Variants in KIAA0586 observed in about 807,000 individuals in gnomAD.
KIAA0586 encodes KIAA0586.
Under a neutral mutation model 169.8 loss-of-function variants are expected in KIAA0586, and 144 were observed. The observed-to-expected ratio is 0.85, with a 90% confidence interval of 0.74 to 0.97. The LOEUF is 0.97. KIAA0586 is among the 50% of genes least tolerant of loss of function. The pLI, the probability that KIAA0586 is intolerant of heterozygous loss-of-function variation, is 0.00. For synonymous variants in KIAA0586, 625 were observed against 612.4 expected (o/e 1.02, Z -0.30); for missense variants, 1,854 against 1,823.0 (o/e 1.02, Z -0.31).
chr14:58,494,942 A>G (rs1163370966), intron 26 of KIAA0586, among the ~76,000 whole-genome samples: 1 of 151,988 alleles, frequency 6.6e-6, no homozygotes, highest in African/African-American at 2.4e-5. Flanking sequence ...AGAAACAATG[A>G]CTTTTCTCCA....
chr14:58,517,961 G>T (rs2044885829), intron 29 of KIAA0586, among the ~76,000 whole-genome samples: 1 of 152,148 alleles, frequency 6.6e-6, no homozygotes. Context: ...ACAGGTCAGT[G>T]GTTGCCTTGA....
chr14:58,444,915 GAAAAAAAAAAA>G (rs869127762), intron 6 of KIAA0586, among the ~76,000 whole-genome samples: 168 of 111,952 alleles, frequency 1.5e-3, no homozygotes, highest in African/African-American at 5.6e-3. Flanking sequence ...CATCTCTTAG[GAAAAAAAAAAA>G]AAAAAAAAAA....
At chr14:58,511,470 A>C (rs2044378787) in intron 28 of KIAA0586, among the ~76,000 whole-genome samples, 2 of 152,154 alleles carry the variant, frequency 1.3e-5, no homozygotes, top group African/African-American at 4.8e-5. Context: ...AAAATGCCTT[A>C]CCCAGATTTG....
downstream of KIAA0586, among the ~76,000 whole-genome samples, chr14:58,553,536 GT>G (rs111508643): frequency 8.8e-4 from 127 of 144,374 alleles, no homozygotes; most frequent in Middle Eastern, 3.5e-3. Context: ...AAATATCTGG[GT>G]TTTTTTTTTT....
At chr14:58,508,475 G>A in intron 27 of KIAA0586, 80 bp from the exon 28 acceptor site, 1 of 1,118,032 alleles carries the variant, frequency 8.9e-7, no homozygotes, top group Non-Finnish European at 1.3e-6. Flanking sequence ...AATATTGGTG[G>A]TTTTAGTCAA....
intron 29 of KIAA0586, among the ~76,000 whole-genome samples, chr14:58,526,329 G>A (rs573735456): frequency 3.9e-5 from 6 of 152,260 alleles, no homozygotes; most frequent in Admixed American, 1.3e-4. Flanking sequence ...TATCTGGTGG[G>A]TGCCCCTCTG....
At chr14:58,505,740 A>T (rs2043893196) in intron 27 of KIAA0586, among the ~76,000 whole-genome samples, 1 of 152,096 alleles carries the variant, frequency 6.6e-6, no homozygotes, top group South Asian at 2.1e-4. Context: ...GTGCTCCTAT[A>T]AAGTTCTTTT....
chr14:58,538,332 T>A (rs1159519718), intron 29 of KIAA0586, among the ~76,000 whole-genome samples: 1 of 152,230 alleles, frequency 6.6e-6, no homozygotes, highest in Non-Finnish European at 1.5e-5. Flanking sequence ...AGTGAGAATG[T>A]ATTGCCCAGC....
chr14:58,556,793 T>C, the KIAA0586 span, among the ~76,000 whole-genome samples: 1 of 152,224 alleles, frequency 6.6e-6, no homozygotes, highest in Non-Finnish European at 1.5e-5. Context: ...TTGTCCAGGC[T>C]GGAGTGCAAT....
chr14:58,527,645 C>G (rs891850040), intron 29 of KIAA0586, among the ~76,000 whole-genome samples: 1 of 152,154 alleles, frequency 6.6e-6, no homozygotes. Context: ...CCTTTAGGGA[C>G]AAGCCAATGC....
chr14:58,492,157 C>T lies in KIAA0586; in HGVS notation c.3872C>T (p.Pro1291Leu). The T allele has an allele frequency of 6.5e-7, 1 of 1,536,414 alleles. No individual in the cohort carries two copies. The highest frequency in any genetic ancestry group is 8.8e-7 in the Non-Finnish European group (1 of 1,140,750). ...HDAVEMEDDPPSEGQVIRMSH... is the reference protein window; with the variant it reads ...HDAVEMEDDPLSEGQVIRMSH... Reference sequence around the variant, plus strand: ...TGTTTCTTTTAGGAGGATGATCCTCCTAGTGAAGGGCAAGTGATTAGGATG... The same window carrying T: ...TGTTTCTTTTAGGAGGATGATCCTCTTAGTGAAGGGCAAGTGATTAGGATG... The change falls in exon 26 of 31, where the codon CCT (proline) becomes CTT (leucine). Residue 1291 changes from proline to leucine, a missense_variant. By Grantham distance (98) the Pro-to-Leu change is moderately conservative (BLOSUM62 -3). Transcript: ENST00000652326.
intron 29 of KIAA0586, chr14:58,521,977 G>A (rs559024079): frequency 1.2e-4 from 167 of 1,339,012 alleles, no homozygotes; most frequent in African/African-American, 8.1e-4. Context: ...CACCAATGGC[G>A]AAGATAACTC....
intron 18 of KIAA0586, among the ~76,000 whole-genome samples, chr14:58,473,006 A>G (rs1008277842): frequency 6.8e-6 from 1 of 147,486 alleles, no homozygotes; most frequent in Admixed American, 7.0e-5. Context: ...ATTTATTTTT[A>G]TATTCCTAAT....
intron 20 of KIAA0586, among the ~76,000 whole-genome samples, chr14:58,480,225 C>T (rs1034892852): frequency 4.0e-5 from 6 of 151,638 alleles, no homozygotes; most frequent in Non-Finnish European, 8.8e-5. Context: ...AAATGTTTCC[C>T]TTTTTCAAAT....
intron 29 of KIAA0586, among the ~76,000 whole-genome samples, chr14:58,530,961 C>T (rs865959372): frequency 6.6e-6 from 1 of 152,044 alleles, no homozygotes; most frequent in African/African-American, 2.4e-5. Context: ...GGGCTAATAT[C>T]TAGAATCTGT....
intron 25 of KIAA0586, among the ~76,000 whole-genome samples, 185 bp downstream of exon 25, chr14:58,490,425 A>G (rs925974706): frequency 2.6e-5 from 4 of 152,186 alleles, no homozygotes; most frequent in Non-Finnish European, 4.4e-5. Context: ...TGAGAATGAA[A>G]AAAAGTTATT....
chr14:58,485,312 G>C (rs776484146), intron 21 of KIAA0586, among the ~76,000 whole-genome samples: 6 of 151,858 alleles, frequency 4.0e-5, no homozygotes, highest in Non-Finnish European at 5.9e-5. Context: ...AAAAGATGAA[G>C]ATGATCAACC....
At chr14:58,446,812 C>T (rs2038941100) in intron 6 of KIAA0586, among the ~76,000 whole-genome samples, 1 of 151,936 alleles carries the variant, frequency 6.6e-6, no homozygotes, top group African/African-American at 2.4e-5. Flanking sequence ...GAGCACGCAG[C>T]AAATTATCTA....
chr14:58,490,667 G>C (rs1478030153), intron 25 of KIAA0586, among the ~76,000 whole-genome samples: 1 of 151,988 alleles, frequency 6.6e-6, no homozygotes, highest in Non-Finnish European at 1.5e-5. Context: ...AGAAAAATGA[G>C]GTCCAGGGAT....
Sources: gnomAD v4.1 joint callset for allele counts (sites outside exome capture counted in the v4.1 genomes callset) on GRCh38, gnomAD v4.1.1 for gene constraint, MANE v1.5 for transcripts, NCBI Gene and HGNC (gene_info 2026-07-23, HGNC 2026-07-21) for gene names.